The following SLC9A9 variants were observed in gnomAD, a reference collection of about 807,000 sequenced individuals.
SLC9A9 encodes the protein solute carrier family 9 member A9.
Under a neutral mutation model 77.8 loss-of-function variants are expected in SLC9A9, and 62 were observed. The ratio of observed to expected loss-of-function variants is 0.80; its 90% CI spans 0.65 to 0.98. SLC9A9 has a LOEUF of 0.98. Ranked by LOEUF, SLC9A9 falls within the 50% of genes least tolerant of loss-of-function variation. SLC9A9 has a pLI of 0.00. For missense variants in SLC9A9, 775 were observed against 774.9 expected (o/e 1.00, Z 0.00); for synonymous variants, 320 against 283.5 (o/e 1.13, Z -1.29).
intron 12 of SLC9A9, among the ~76,000 whole-genome samples, chr3:143,392,811 TA>T (rs2033604730): frequency 2.6e-5 from 4 of 152,144 alleles, no homozygotes; most frequent in African/African-American, 9.7e-5. Flanking sequence ...TAGTCTCTGA[TA>T]AAACAGACTT....
chr3:143,825,537 G>T (rs1483187187), intron 2 of SLC9A9, among the ~76,000 whole-genome samples: 2 of 152,164 alleles, frequency 1.3e-5, no homozygotes, highest in Non-Finnish European at 2.9e-5. Context: ...CTTCCTTAAA[G>T]TAGCTCTAAA....
intron 9 of SLC9A9, among the ~76,000 whole-genome samples, chr3:143,526,652 A>G (rs1467645502): frequency 6.6e-6 from 1 of 152,134 alleles, no homozygotes; most frequent in African/African-American, 2.4e-5. Context: ...GACAGAGAAC[A>G]ATTTATTCAA....
intron 14 of SLC9A9, among the ~76,000 whole-genome samples, chr3:143,330,853 G>T (rs1217868093): frequency 6.6e-6 from 1 of 152,200 alleles, no homozygotes; most frequent in Non-Finnish European, 1.5e-5. Context: ...TATGAGGCTT[G>T]CATTAATGCA....
chr3:143,527,298 A>G (rs1222671869), intron 9 of SLC9A9, among the ~76,000 whole-genome samples: 1 of 152,244 alleles, frequency 6.6e-6, no homozygotes, highest in Non-Finnish European at 1.5e-5. Context: ...CACATCAGTC[A>G]TATTGAAGCA....
At chr3:143,692,426 T>C (rs1277273970) in intron 5 of SLC9A9, among the ~76,000 whole-genome samples, 1 of 152,090 alleles carries the variant, frequency 6.6e-6, no homozygotes, top group East Asian at 1.9e-4. Context: ...ACAAAGAAAA[T>C]AATATGATTG....
chr3:143,572,325 G>C (rs544328256), intron 8 of SLC9A9, among the ~76,000 whole-genome samples: 1 of 151,786 alleles, frequency 6.6e-6, no homozygotes, highest in Non-Finnish European at 1.5e-5. Context: ...GTGTGTGTGC[G>C]CGTGTGTTTA....
chr3:143,639,862 G>C (rs1383218491), intron 6 of SLC9A9, among the ~76,000 whole-genome samples: 2 of 152,094 alleles, frequency 1.3e-5, no homozygotes, highest in Non-Finnish European at 1.5e-5. Context: ...TGGGGTGCTT[G>C]AAATCCCGAT....
At chr3:143,458,273 A>G (rs980495377) in intron 12 of SLC9A9, among the ~76,000 whole-genome samples, 1 of 152,068 alleles carries the variant, frequency 6.6e-6, no homozygotes, top group South Asian at 2.1e-4. Flanking sequence ...TGGTGTTTGC[A>G]TGGTACACCT....
intron 6 of SLC9A9, among the ~76,000 whole-genome samples, chr3:143,611,960 TCC>T (rs1215330460): frequency 6.6e-6 from 1 of 152,164 alleles, no homozygotes; most frequent in African/African-American, 2.4e-5. Flanking sequence ...AGTCTCAAAT[TCC>T]TGGGTTCAAA....
chr3:143,761,544 A>G (rs1240749917), intron 4 of SLC9A9, among the ~76,000 whole-genome samples: 1 of 152,244 alleles, frequency 6.6e-6, no homozygotes, highest in East Asian at 1.9e-4. Flanking sequence ...ACATGAACAG[A>G]CACTTCTCAA....
intron 6 of SLC9A9, among the ~76,000 whole-genome samples, chr3:143,585,681 C>T (rs1478961903): frequency 6.6e-6 from 1 of 152,228 alleles, no homozygotes; most frequent in African/African-American, 2.4e-5. Flanking sequence ...TCTCCTTAAT[C>T]TGGGGTTCCC....
chr3:143,324,068 G>A (rs768889146), intron 14 of SLC9A9, among the ~76,000 whole-genome samples: 4 of 151,888 alleles, frequency 2.6e-5, no homozygotes, highest in Admixed American at 6.6e-5. Context: ...TGGAAGTTAC[G>A]TCCCCCTGAG....
intron 12 of SLC9A9, among the ~76,000 whole-genome samples, chr3:143,383,660 C>A (rs774163026): frequency 6.6e-6 from 1 of 152,248 alleles, no homozygotes; most frequent in East Asian, 1.9e-4. Context: ...CAGAGAGAGT[C>A]CCTCTGCCTG....
chr3:143,811,874 AAAAAGAAAAAG>A (rs1194344983), intron 2 of SLC9A9: 3 of 332,856 alleles, frequency 9.0e-6, no homozygotes, highest in Admixed American at 4.6e-5. Flanking sequence ...AAGAAAAAAA[AAAAAGAAAAAG>A]AAAAGAAAAA....
At chr3:143,541,856 T>C (rs1332059175) in intron 9 of SLC9A9, among the ~76,000 whole-genome samples, 1 of 152,230 alleles carries the variant, frequency 6.6e-6, no homozygotes, top group East Asian at 1.9e-4. Context: ...CAGATTTAAC[T>C]GAGAAGTTAT....
chr3:143,333,334 C>G (rs985709867), intron 14 of SLC9A9, among the ~76,000 whole-genome samples: 4 of 149,954 alleles, frequency 2.7e-5, no homozygotes, highest in African/African-American at 7.4e-5. Context: ...TGTTATTTAG[C>G]AAGCAAATAA....
At chr3:143,333,584 G>A (rs894038445) in intron 14 of SLC9A9, among the ~76,000 whole-genome samples, 1 of 152,158 alleles carries the variant, frequency 6.6e-6, no homozygotes, top group South Asian at 2.1e-4. Context: ...GATAGACCAC[G>A]AAGGTTTGGC....
At chr3:143,464,913 C>T (rs1020437080) in intron 12 of SLC9A9, among the ~76,000 whole-genome samples, 1 of 152,112 alleles carries the variant, frequency 6.6e-6, no homozygotes, top group Non-Finnish European at 1.5e-5. Flanking sequence ...CAGTTTTTCC[C>T]CTTTAGTTTT....
intron 12 of SLC9A9, among the ~76,000 whole-genome samples, chr3:143,388,709 T>C (rs1225258418): frequency 2.6e-5 from 4 of 152,166 alleles, no homozygotes; most frequent in Non-Finnish European, 4.4e-5. Flanking sequence ...GGCTTTTCCA[T>C]AAATGACAGA....
Sources: allele counts gnomAD v4.1 joint callset (sites outside exome capture counted in the v4.1 genomes callset), GRCh38; gene constraint gnomAD v4.1.1; transcripts MANE v1.5; gene names NCBI Gene and HGNC (gene_info 2026-07-23, HGNC 2026-07-21).